The following HSPA12A variants were observed in gnomAD, a reference collection of about 807,000 sequenced individuals.
HSPA12A encodes the protein heat shock protein family A (Hsp70) member 12A.
Under a neutral mutation model 69.2 loss-of-function variants are expected in HSPA12A, and 28 were observed. The observed-to-expected ratio is 0.40, with a 90% CI of 0.30 to 0.55. The LOEUF (loss-of-function observed/expected upper bound fraction) is 0.55, where lower values mean the gene tolerates loss of function less well. Among genes scored for constraint, HSPA12A ranks in the 20% least tolerant of loss-of-function variants. HSPA12A has a pLI of 0.38. For missense variants in HSPA12A, 686 were observed against 900.7 expected (o/e 0.76, Z 3.05); for synonymous variants, 345 against 370.5 (o/e 0.93, Z 0.79).
intron 1 of HSPA12A, among the ~76,000 whole-genome samples, chr10:116,844,402 A>G (rs1240443752): frequency 1.3e-5 from 2 of 152,218 alleles, no homozygotes; most frequent in African/African-American, 4.8e-5. Context: ...CTCCCCATTT[A>G]TTAGCCAGAT....
chr10:116,764,819 T>A (rs1482096713), intron 2 of HSPA12A, among the ~76,000 whole-genome samples: 1 of 152,188 alleles, frequency 6.6e-6, no homozygotes, highest in South Asian at 2.1e-4. Context: ...AGATACAATA[T>A]AGCCACACAA....
chr10:116,762,618 C>T (rs1843995467), intron 2 of HSPA12A, among the ~76,000 whole-genome samples: 1 of 152,180 alleles, frequency 6.6e-6, no homozygotes, highest in Non-Finnish European at 1.5e-5. Context: ...GAGTTTCGCT[C>T]TGTCACCCAG....
At chr10:116,801,469 C>G (rs1844952745) in intron 2 of HSPA12A, among the ~76,000 whole-genome samples, 1 of 152,140 alleles carries the variant, frequency 6.6e-6, no homozygotes, top group South Asian at 2.1e-4. Context: ...TAAGAGCCCC[C>G]ATCCCGAGGG....
chr10:116,761,623 C>A (rs559313884), intron 2 of HSPA12A, among the ~76,000 whole-genome samples: 8 of 151,962 alleles, frequency 5.3e-5, no homozygotes, highest in African/African-American at 1.9e-4. Flanking sequence ...TAGTGCACGT[C>A]TGGCTGGAGG....
At chr10:116,844,265 AG>A (rs1178412015) in intron 1 of HSPA12A, among the ~76,000 whole-genome samples, 2 of 152,216 alleles carry the variant, frequency 1.3e-5, no homozygotes, top group Non-Finnish European at 2.9e-5. Context: ...GTAAACCTCC[AG>A]GCATACAAAA....
upstream of HSPA12A, among the ~76,000 whole-genome samples, chr10:116,743,465 G>A (rs1333555393): frequency 6.6e-6 from 1 of 152,190 alleles, no homozygotes; most frequent in South Asian, 2.1e-4. Flanking sequence ...TACCTGCCTG[G>A]TGCTTTACCT....
Position 116,686,358 on chromosome 10 carries a change from C to T in HSPA12A, c.664-2396G>A, listed in dbSNP as rs1234751731. ...CTTGAGGTTGTGGAGTCAAGGACCT[C>T]CCAGGAGCATAGAAGGTCCAAGGGG... On this transcript the variant is annotated intron_variant, in intron 6 of 11. Transcript: ENST00000369209. This position sits in a 1 kb window ranked among gnomAD's most constrained non-coding sequence, Gnocchi z 4.1. Among the ~76,000 whole-genome samples the T allele has an allele frequency of 6.6e-6, 1 of 152,132 alleles. No homozygotes were observed. Among genetic ancestry groups the T allele is most frequent in the African/African-American group, 2.4e-5 (1 of 41,436 alleles).
chr10:116,750,410 T>C (rs781844449), intron 2 of HSPA12A: 50 of 683,704 alleles, frequency 7.3e-5, no homozygotes, highest in Non-Finnish European at 1.2e-4. Context: ...AGATGGAGGC[T>C]TGTCTACCCC....
At chr10:116,775,194 A>G (rs759534945) in intron 2 of HSPA12A, among the ~76,000 whole-genome samples, 1 of 152,238 alleles carries the variant, frequency 6.6e-6, no homozygotes, top group African/African-American at 2.4e-5. Flanking sequence ...TCCTTATATC[A>G]GTTATCCCAC....
At chr10:116,749,484 A>G (rs1851725435) in intron 2 of HSPA12A, among the ~76,000 whole-genome samples, 1 of 152,230 alleles carries the variant, frequency 6.6e-6, no homozygotes, top group South Asian at 2.1e-4. Context: ...AAAGTGGCAG[A>G]GGAAGAATTT....
In HSPA12A at chr10:116,698,468, C is replaced by A. The variant is rs74158821; in HGVS notation, c.546+167G>T. On this transcript the variant is annotated intron_variant, in intron 5 of 11. Coordinates refer to ENST00000369209, the MANE Select transcript of HSPA12A (RefSeq NM_025015.3). Reference sequence around the variant, plus strand: ...GAGGCCGCACCATTTTACTTTCCCACCAGCAGCGTGTGAGGGTTCATCCTG... The same window carrying A: ...GAGGCCGCACCATTTTACTTTCCCAACAGCAGCGTGTGAGGGTTCATCCTG... 656 of 484,602 alleles carry A rather than the reference C, an allele frequency of 1.4e-3. 7 individuals carry two copies. Among genetic ancestry groups the A allele is most frequent in the African/African-American group, 0.011 (591 of 52,396 alleles). The allele number at this position is 484,602 out of a possible 1,614,324, so 30.0% of individuals were successfully genotyped here.
At chr10:116,827,660 G>C (rs776046629) in intron 2 of HSPA12A, 5 of 152,286 alleles carry the variant, frequency 3.3e-5, no homozygotes, top group African/African-American at 1.2e-4. Context: ...GTTTGCTCAA[G>C]TCCCACTCAG....
chr10:116,739,054 G>T (rs1851398957), intron 1 of HSPA12A, among the ~76,000 whole-genome samples: 1 of 152,176 alleles, frequency 6.6e-6, no homozygotes, highest in African/African-American at 2.4e-5. Flanking sequence ...ACCATCTACA[G>T]CTTGGTGGCT....
chr10:116,751,724 A>T (rs1444530476), intron 2 of HSPA12A, among the ~76,000 whole-genome samples: 1 of 152,092 alleles, frequency 6.6e-6, no homozygotes, highest in African/African-American at 2.4e-5. Context: ...GTGACTCCCA[A>T]TGTTGGAGGT....
intron 2 of HSPA12A, among the ~76,000 whole-genome samples, chr10:116,775,243 T>G (rs1248156589): frequency 6.6e-6 from 1 of 152,164 alleles, no homozygotes; most frequent in Non-Finnish European, 1.5e-5. Flanking sequence ...GGACTCCCAT[T>G]TTACAGATGG....
intron 2 of HSPA12A, among the ~76,000 whole-genome samples, chr10:116,804,540 C>G (rs575141733): frequency 4.6e-5 from 7 of 152,238 alleles, no homozygotes; most frequent in African/African-American, 1.4e-4. Flanking sequence ...CCCTTTACCC[C>G]CAGCCCCCAG....
At chr10:116,788,293 CTTGAGTG>C (rs1844625010) in intron 2 of HSPA12A, among the ~76,000 whole-genome samples, 1 of 152,078 alleles carries the variant, frequency 6.6e-6, no homozygotes, top group African/African-American at 2.4e-5. Context: ...CGGGCCCACG[CTTGAGTG>C]TTCCAAACGG....
intron 2 of HSPA12A, among the ~76,000 whole-genome samples, chr10:116,798,406 C>A (rs1312834467): frequency 3.3e-5 from 5 of 152,196 alleles, no homozygotes; most frequent in African/African-American, 9.7e-5. Context: ...CTAAGACAGA[C>A]ATGTCTGCCA....
intron 6 of HSPA12A, among the ~76,000 whole-genome samples, chr10:116,690,459 T>A (rs903083402): frequency 2.0e-5 from 3 of 152,122 alleles, no homozygotes; most frequent in Non-Finnish European, 2.9e-5. Context: ...TCAGCGGCTG[T>A]CAATGGAACA....
Sources: allele counts gnomAD v4.1 joint callset (sites outside exome capture counted in the v4.1 genomes callset), GRCh38; gene constraint gnomAD v4.1.1; non-coding constraint Gnocchi (gnomAD v3.1); transcripts MANE v1.5; gene names NCBI Gene and HGNC (gene_info 2026-07-23, HGNC 2026-07-21).